TMEM132B: variants seen among roughly 807,000 people sequenced by gnomAD.
TMEM132B encodes transmembrane protein 132B.
TMEM132B carries 18 observed loss-of-function variants against 90.8 expected under a neutral mutation model. The ratio of observed to expected loss-of-function variants is 0.20; its 90% confidence interval spans 0.14 to 0.29. The LOEUF (loss-of-function observed/expected upper bound fraction) is 0.29, where lower values mean the gene tolerates loss of function less well. Among genes scored for constraint, TMEM132B ranks in the 10% least tolerant of loss-of-function variants. TMEM132B has a pLI of 1.00. For missense variants in TMEM132B, 1,096 were observed against 1,326.8 expected, an observed-to-expected ratio of 0.83 and a Z score of 2.70; for synonymous variants, 504 against 523.3, an observed-to-expected ratio of 0.96 and a Z score of 0.50.
At chr12:125,339,347 A>G (rs12296865) in intron 1 of TMEM132B, among the ~76,000 whole-genome samples, 18,297 of 112,168 alleles carry the variant, frequency 0.16, 3,498 homozygotes, top group African/African-American at 0.49. Flanking sequence ...CCTGCCTTCT[A>G]TGCCACCACA....
intron 3 of TMEM132B, among the ~76,000 whole-genome samples, chr12:125,500,716 T>G (rs1882674051): frequency 6.6e-6 from 1 of 152,122 alleles, no homozygotes; most frequent in South Asian, 2.1e-4. Flanking sequence ...TCTGAATGGC[T>G]TGAGGGGCTG....
rs555642236 is a variant in TMEM132B, at chr12:125,653,568, G to A, written c.2110G>A (p.Ala704Thr). The A allele has an allele frequency of 6.2e-7, 1 of 1,601,080 alleles. No individual in the cohort carries two copies. Among genetic ancestry groups the A allele is most frequent in the Admixed American group, 1.7e-5 (1 of 59,586 alleles). The stretch of plus-strand genomic sequence containing the variant: ...GCTTTGGTTTCATTTTCCTCAGGAA[G>A]CAATAGTAAGTTCTTGGATTTTGTT... ...LDVLQSPQQE[A>T]IVSSWILFSD... Residue 704 changes from alanine (A) to threonine (T), a missense_variant, in exon 9 of 9, where the codon GCA (alanine) becomes ACA (threonine). Transcript: ENST00000682704.
At chr12:125,559,004 A>G (rs1884458144) in intron 4 of TMEM132B, among the ~76,000 whole-genome samples, 1 of 152,220 alleles carries the variant, frequency 6.6e-6, no homozygotes, top group Non-Finnish European at 1.5e-5. Context: ...TGGAGAATGT[A>G]CTAAGAATAT....
At chr12:125,321,187 G>T (rs1460070796) in intron 1 of TMEM132B, among the ~76,000 whole-genome samples, 2 of 152,206 alleles carry the variant, frequency 1.3e-5, no homozygotes, top group Admixed American at 1.3e-4. Flanking sequence ...TTCTGACTTT[G>T]GGGGAGAGAA....
Position 125,653,623 on chromosome 12 carries a change from T to C in TMEM132B, c.2165T>C (p.Ile722Thr), listed in dbSNP as rs1886982140. The C allele has an allele frequency of 3.1e-6, 5 of 1,614,100 alleles. No individual in the cohort carries two copies. Among genetic ancestry groups the C allele is most frequent in the African/African-American group, 1.3e-5 (1 of 74,948 alleles). The change falls in exon 9 of 9, where the codon ATT becomes ACT. Residue 722 changes from isoleucine to threonine, a missense_variant. Ile to Thr is a moderately conservative substitution (Grantham distance 89). Transcript: ENST00000682704. ...FSDGSVTPLD[I>T]YDPKDYSVTV... The stretch of plus-strand genomic sequence containing the variant: ...GATGGTTCGGTGACACCTTTAGACA[T>C]TTACGATCCTAAGGATTATTCTGTT...
rs1436164203 is a variant in TMEM132B at position 125,349,485 on chromosome 12, A to G, written c.101A>G (p.Gln34Arg). 5 of 1,613,460 alleles carry G rather than the reference A, an allele frequency of 3.1e-6. No individual in the cohort carries two copies. Among genetic ancestry groups the G allele is most frequent in the Non-Finnish European group, 4.2e-6 (5 of 1,179,718 alleles). Residue 34 changes from glutamine to arginine, a missense_variant, in exon 2 of 9, where the codon CAG (glutamine) becomes CGG (arginine). Coordinates refer to ENST00000682704, the MANE Select transcript of TMEM132B (RefSeq NM_001366854.1). The surrounding 1 kb of genome is among the most constrained non-coding windows in gnomAD (Gnocchi z 4.1). ...TESRGIVDSL[Q>R]KFSSLPAYLP... ...AGTCGAGGGATTGTGGATAGCCTGC[A>G]GAAGTTTTCCTCGCTCCCTGCTTAC...
At position 125,291,842 on chromosome 12, in the gene TMEM132B, T is replaced by G. The variant is rs550794685; in HGVS notation, c.68-57610T>G. ...GTACAGTTCAGTGGCCTTAAGTCTA[T>G]CCACATGATTATGCAACCATCAGCA... On this transcript the variant is annotated intron_variant, in intron 1 of 8. Transcript: ENST00000682704. Among the ~76,000 whole-genome samples, 7 of 152,298 alleles carry G rather than the reference T, an allele frequency of 4.6e-5. No homozygotes were observed. In the South Asian group the frequency reaches 6.2e-4, roughly 14 times the overall value.
chr12:125,643,734 C>A (rs1223540785), intron 5 of TMEM132B, among the ~76,000 whole-genome samples: 10 of 151,928 alleles, frequency 6.6e-5, no homozygotes, highest in Admixed American at 5.9e-4. Context: ...CTATGAGGCA[C>A]CTGGGGTTTG....
At chr12:125,256,151 GAGAC>G (rs1284381870) in intron 1 of TMEM132B, among the ~76,000 whole-genome samples, 2 of 152,220 alleles carry the variant, frequency 1.3e-5, no homozygotes, top group Non-Finnish European at 2.9e-5. Context: ...CTGCTGGAAA[GAGAC>G]AGAGGCCAGC....
chr12:125,241,575 C>T (rs892253563), intron 1 of TMEM132B, among the ~76,000 whole-genome samples: 5 of 152,178 alleles, frequency 3.3e-5, no homozygotes, highest in African/African-American at 1.2e-4. Context: ...TTCTGTACGA[C>T]AGTGGGTTTC....
chr12:125,620,163 C>T (rs1040747738), intron 5 of TMEM132B, among the ~76,000 whole-genome samples: 1 of 152,218 alleles, frequency 6.6e-6, no homozygotes, highest in East Asian at 1.9e-4. Context: ...AGCATTTCTT[C>T]AAACACGGCA....
intron 4 of TMEM132B, among the ~76,000 whole-genome samples, chr12:125,574,174 T>A (rs1310252705): frequency 6.6e-6 from 1 of 152,102 alleles, no homozygotes; most frequent in African/African-American, 2.4e-5. Flanking sequence ...CAGTTTTTTT[T>A]TTTTTAAATC....
At chr12:125,626,076 T>C (rs146465560) in intron 5 of TMEM132B, among the ~76,000 whole-genome samples, 1 of 152,222 alleles carries the variant, frequency 6.6e-6, no homozygotes, top group East Asian at 1.9e-4. Context: ...TTGCTTTAGA[T>C]AATTAGCTAT....
At chr12:125,320,305 G>A (rs1394455790) in intron 1 of TMEM132B, among the ~76,000 whole-genome samples, 1 of 152,254 alleles carries the variant, frequency 6.6e-6, no homozygotes, top group African/African-American at 2.4e-5. Flanking sequence ...GTCTTATTCT[G>A]TTGGAGCTAA....
At chr12:125,328,034 TCA>T (rs993819704) in intron 1 of TMEM132B, among the ~76,000 whole-genome samples, 84 of 152,326 alleles carry the variant, frequency 5.5e-4, no homozygotes, top group African/African-American at 2.0e-3. Context: ...TAAAACAAAG[TCA>T]CCCTGCCCTT....
chr12:125,503,777 G>T (rs1882758290), intron 3 of TMEM132B, among the ~76,000 whole-genome samples: 1 of 152,234 alleles, frequency 6.6e-6, no homozygotes, highest in Non-Finnish European at 1.5e-5. Flanking sequence ...TGATGTATCA[G>T]TCTGGTTCAC....
intron 1 of TMEM132B, among the ~76,000 whole-genome samples, chr12:125,298,112 T>C (rs988499074): frequency 2.0e-5 from 3 of 151,930 alleles, no homozygotes; most frequent in Admixed American, 6.6e-5. Flanking sequence ...AAAAATCAGT[T>C]GGGCAAGGTG....
chr12:125,611,344 T>A (rs555947475), intron 5 of TMEM132B, among the ~76,000 whole-genome samples: 135 of 151,874 alleles, frequency 8.9e-4, no homozygotes, highest in African/African-American at 2.0e-3. Context: ...GTTGATATTT[T>A]AAAAAAAACA....
At chr12:125,517,437 C>A (rs1883195042) in intron 3 of TMEM132B, among the ~76,000 whole-genome samples, 1 of 150,270 alleles carries the variant, frequency 6.7e-6, no homozygotes, top group Non-Finnish European at 1.5e-5. Context: ...CGTGATCCAC[C>A]CGCCTCGGCC....
Sources: allele counts gnomAD v4.1 joint callset (sites outside exome capture counted in the v4.1 genomes callset), GRCh38; gene constraint gnomAD v4.1.1; non-coding constraint Gnocchi (gnomAD v3.1); transcripts MANE v1.5; gene names NCBI Gene and HGNC (gene_info 2026-07-23, HGNC 2026-07-21).